TFEB: variants seen among roughly 807,000 people sequenced by gnomAD.
The protein encoded by TFEB is transcription factor EB.
In TFEB, 12 loss-of-function variants were observed where a neutral mutation model predicts 48.0. That is an observed-to-expected ratio of 0.25 (90% CI 0.16 to 0.40). The LOEUF is 0.40. Ranked by LOEUF, TFEB falls within the 10% of genes least tolerant of loss-of-function variation. TFEB has a pLI of 1.00. For synonymous variants in TFEB, 244 were observed against 261.4 expected, an observed-to-expected ratio of 0.93 and a Z score of 0.64; for missense variants, 509 against 640.3, an observed-to-expected ratio of 0.79 and a Z score of 2.21.
At chr6:41,733,630 T>G (rs1407637068) in intron 1 of TFEB, 1 of 985,240 alleles carries the variant, frequency 1.0e-6, no homozygotes, top group Non-Finnish European at 1.2e-6. Flanking sequence ...CTCGTGGTCC[T>G]GGGGCTGGGG....
In TFEB at chr6:41,730,751, C is replaced by T. The variant is rs1255200196; in HGVS notation, c.-23+4599G>A. Among the ~76,000 whole-genome samples, 1 of 152,218 alleles carries T rather than the reference C, an allele frequency of 6.6e-6. No individual in the cohort carries two copies. ...GCCAAGGGGATCTGTATCTCTGGTG[C>T]AGTGTGGAGGAGGGACAGATGATAG... On this transcript the variant is annotated intron_variant, in intron 1 of 8. Transcript: ENST00000373033. This position sits in a 1 kb window ranked among gnomAD's most constrained non-coding sequence, Gnocchi z 4.1.
rs1303786607 is a variant in TFEB, at chr6:41,724,047, G to A, written c.-23+11303C>T. On this transcript the variant is annotated intron_variant, in intron 1 of 8. Transcript: ENST00000373033. The surrounding 1 kb of genome is among the most constrained non-coding windows in gnomAD (Gnocchi z 4.4). ...CCCAGGGCCTCCAGACACCCAGGTCGAGGCCGTACTACAGCCCACCTTGAA... is the reference window on the plus strand; with the variant it reads ...CCCAGGGCCTCCAGACACCCAGGTCAAGGCCGTACTACAGCCCACCTTGAA... 9.4e-6 allele frequency: 4 copies of A among 423,612 alleles called. No homozygotes were observed. The highest frequency in any genetic ancestry group is 3.3e-5 in the South Asian group (2 of 59,742). 26.2% of individuals were successfully genotyped at this position (423,612 alleles called of 1,614,324 possible).
rs58961148 is a variant in TFEB, at chr6:41,723,965, C to A, written c.-23+11385G>T. ...ACATGTGTCCTTCTAGCCAGAAGCC[C>A]CACAGCTCACCATCTTCCTGACTGG... On this transcript the variant is annotated intron_variant, in intron 1 of 8. Transcript: ENST00000373033. This position sits in a 1 kb window ranked among gnomAD's most constrained non-coding sequence, Gnocchi z 6.0. 6.9e-3 allele frequency: 3,506 copies of A among 506,216 alleles called. 94 individuals are homozygous for A. Among genetic ancestry groups the A allele is most frequent in the African/African-American group, 0.059 (3,032 of 51,498 alleles). 31.4% of individuals were successfully genotyped at this position (506,216 alleles called of 1,614,324 possible). A position where few individuals can be genotyped will look rare whatever the true frequency, so the allele number is the denominator to read the frequency against.
chr6:41,728,896 G>T (rs971194855), intron 1 of TFEB, among the ~76,000 whole-genome samples: 1 of 151,998 alleles, frequency 6.6e-6, no homozygotes, highest in African/African-American at 2.4e-5. Flanking sequence ...CATTTTTTTG[G>T]TGTCTGCATT....
chr6:41,725,816 C>T (rs1434079148), intron 1 of TFEB, among the ~76,000 whole-genome samples: 1 of 152,218 alleles, frequency 6.6e-6, no homozygotes, highest in Non-Finnish European at 1.5e-5. Flanking sequence ...ACATGTTACA[C>T]ACTCACCATC....
chr6:41,710,027 G>A (rs2127247086), intron 1 of TFEB, among the ~76,000 whole-genome samples: 1 of 152,248 alleles, frequency 6.6e-6, no homozygotes, highest in South Asian at 2.1e-4. Context: ...GGCCTCAAGC[G>A]ATTCTCCTGC....
At position 41,723,723 on chromosome 6, in the gene TFEB, AAC is replaced by A. The variant is rs1771088461; in HGVS notation, c.-23+11625_-23+11626del. The A allele has an allele frequency of 2.6e-6, 1 of 384,966 alleles. No homozygotes were observed. Among genetic ancestry groups the A allele is most frequent in the African/African-American group, 2.1e-5 (1 of 47,238 alleles). The allele number at this position is 384,966 out of a possible 1,614,324, so 23.8% of individuals were successfully genotyped here. Reference sequence around the variant, plus strand: ...CACAGTCCCACACCGCAGCCTACCCAACACAGACTGCTTCAATCTCACCCGCC... The same window carrying A: ...CACAGTCCCACACCGCAGCCTACCCAACAGACTGCTTCAATCTCACCCGCC... On this transcript the variant is annotated intron_variant, in intron 1 of 8. Coordinates refer to ENST00000373033, the MANE Select transcript of TFEB (RefSeq NM_001271944.2). This position sits in a 1 kb window ranked among gnomAD's most constrained non-coding sequence, Gnocchi z 6.0.
chr6:41,705,041 A>G (rs1581905779), intron 1 of TFEB, among the ~76,000 whole-genome samples: 1 of 152,086 alleles, frequency 6.6e-6, no homozygotes, highest in African/African-American at 2.4e-5. Flanking sequence ...TGCAAACACC[A>G]CCTCTCACAC....
intron 1 of TFEB, among the ~76,000 whole-genome samples, chr6:41,701,100 C>T (rs1769895794): frequency 6.6e-6 from 1 of 152,268 alleles, no homozygotes; most frequent in South Asian, 2.1e-4. Flanking sequence ...TCTGTCTCTC[C>T]GTGTCTGCTT....
Position 41,733,902 on chromosome 6 carries a change from T to A in TFEB, c.-23+1448A>T, listed in dbSNP as rs552314182. On this transcript the variant is annotated intron_variant, in intron 1 of 8. Transcript: ENST00000373033. ...ACCAGCCTCCAACCTCATCCCCAGC[T>A]GCCCAACAGTGCCAGGTCTGGGCCA... 5.1e-6 allele frequency: 5 copies of A among 985,536 alleles called. No individual in the cohort carries two copies. The South Asian group carries it at 1.9e-4, about 37-fold the overall frequency. 61.0% of individuals were successfully genotyped at this position (985,536 alleles called of 1,614,324 possible).
chr6:41,695,289 T>C (rs1769519353), intron 1 of TFEB, among the ~76,000 whole-genome samples: 3 of 152,244 alleles, frequency 2.0e-5, no homozygotes, highest in African/African-American at 7.2e-5. Flanking sequence ...TCATCCAGTC[T>C]GTGTGTGGGC....
At chr6:41,687,677 C>T in intron 6 of TFEB, 76 bp downstream of exon 6, 1 of 1,590,216 alleles carries the variant, frequency 6.3e-7, no homozygotes, top group Non-Finnish European at 8.6e-7. Context: ...CAGTGCAGGT[C>T]AGGGAGTGGC....
chr6:41,736,056 C>A, upstream of TFEB: 5 of 1,544,866 alleles, frequency 3.2e-6, no homozygotes, highest in South Asian at 5.6e-5. Context: ...AGGGGCAAGG[C>A]CAGGGTGAGC....
chr6:41,722,564 C>T (rs11962412), intron 1 of TFEB, among the ~76,000 whole-genome samples: 6,611 of 152,320 alleles, frequency 0.043, 471 homozygotes, highest in African/African-American at 0.15. Context: ...TCACTCTAGC[C>T]CCTGGGCCTA....
chr6:41,686,798 G>C (rs2127445916), intron 7 of TFEB: 1 of 456,872 alleles, frequency 2.2e-6, no homozygotes, highest in African/African-American at 2.0e-5. Flanking sequence ...TTATAGGCGT[G>C]AGCCCGGCCT....
Position 41,688,129 on chromosome 6 carries a change from C to A in TFEB, c.550-101G>T, listed in dbSNP as rs1769112569. 6 of 1,432,700 alleles carry A rather than the reference C, an allele frequency of 4.2e-6. No individual in the cohort carries two copies. In the African/African-American group the frequency reaches 8.5e-5, roughly 20 times the overall value. The allele number at this position is 1,432,700 out of a possible 1,614,324, so 88.7% of individuals were successfully genotyped here. A position where few individuals can be genotyped will look rare whatever the true frequency, so the allele number is the denominator to read the frequency against. Reference sequence around the variant, plus strand: ...CAGGAGCAGTCCTTCCTGGGGACACCTGGAGTGTCAAAATTCACCTTGGGC... The same window carrying A: ...CAGGAGCAGTCCTTCCTGGGGACACATGGAGTGTCAAAATTCACCTTGGGC... On this transcript the variant is annotated intron_variant, in intron 4 of 8. Coordinates refer to ENST00000373033, the MANE Select transcript of TFEB (RefSeq NM_001271944.2).
intron 8 of TFEB, among the ~76,000 whole-genome samples, chr6:41,685,378 T>C (rs2842641): frequency 0.13 from 19,627 of 152,224 alleles, 2,661 homozygotes; most frequent in African/African-American, 0.34. Flanking sequence ...TTAGAATGCA[T>C]TGCATCTATT....
chr6:41,734,688 C>T lies in TFEB; in HGVS notation c.-23+662G>A, dbSNP rs1052493270. Among the ~76,000 whole-genome samples the T allele has an allele frequency of 2.6e-5, 4 of 151,348 alleles. No individual in the cohort carries two copies. The highest frequency in any genetic ancestry group is 6.6e-5 in the Admixed American group (1 of 15,228). On this transcript the variant is annotated intron_variant, in intron 1 of 8. Transcript: ENST00000373033. This position sits in a 1 kb window ranked among gnomAD's most constrained non-coding sequence, Gnocchi z 4.0. ...TTCCCCAGGGTCATAGAATAACCCA[C>T]GGGGAGAAAGAGACTGCCCAGGGAC...
At position 41,689,959 on chromosome 6, in the gene TFEB, AGAGAT is replaced by A. The variant is rs2127447915; in HGVS notation, c.469-153_469-149del. On this transcript the variant is annotated intron_variant, in intron 3 of 8. Transcript: ENST00000373033. Reference sequence around the variant, plus strand: ...GGGAAAGAGGAAATAGGCCCAGAGAAGAGATGAGCTGTCCAGGTCCCACTGGCCCA... The same window carrying A: ...GGGAAAGAGGAAATAGGCCCAGAGAAGAGCTGTCCAGGTCCCACTGGCCCA... The A allele has an allele frequency of 8.0e-6, 5 of 622,618 alleles. No homozygotes were observed. In the East Asian group the frequency reaches 1.4e-4, roughly 18 times the overall value. The allele number at this position is 622,618 out of a possible 1,614,324, so 38.6% of individuals were successfully genotyped here.
Sources: allele counts gnomAD v4.1 joint callset (sites outside exome capture counted in the v4.1 genomes callset), GRCh38; gene constraint gnomAD v4.1.1; non-coding constraint Gnocchi (gnomAD v3.1); transcripts MANE v1.5; gene names NCBI Gene and HGNC (gene_info 2026-07-23, HGNC 2026-07-21).